Variants in EXD3 observed in about 807,000 individuals in gnomAD.
EXD3 encodes exonuclease 3'-5' domain containing 3.
A neutral mutation model predicts 98.0 loss-of-function variants in EXD3; 92 were observed. The ratio of observed to expected loss-of-function variants is 0.94; its 90% confidence interval spans 0.79 to 1.12. The LOEUF (loss-of-function observed/expected upper bound fraction) is 1.12, where lower values mean the gene tolerates loss of function less well. EXD3 is among the 50% of genes most tolerant of loss of function. The pLI, the probability that EXD3 is intolerant of heterozygous loss-of-function variation, is 0.00. For missense variants in EXD3, 1,222 were observed against 1,191.6 expected, an observed-to-expected ratio of 1.03 and a Z score of -0.38; for synonymous variants, 569 against 526.0, an observed-to-expected ratio of 1.08 and a Z score of -1.12.
At position 137,331,858 on chromosome 9, in the gene EXD3, G is replaced by A. The variant is rs146365960; in HGVS notation, c.1999-7715C>T. Among the ~76,000 whole-genome samples, 291 of 152,270 alleles carry A rather than the reference G, an allele frequency of 1.9e-3. 2 individuals carry two copies. Among genetic ancestry groups the A allele is most frequent in the Non-Finnish European group, 3.2e-3 (221 of 68,032 alleles). ...TTGAACCCGGGAGGTGGATGTTGCA[G>A]TGAGCCGAGAGGGCGCCACTGCACT... On this transcript the variant is annotated intron_variant, in intron 17 of 21. Coordinates refer to ENST00000340951, the MANE Select transcript of EXD3 (RefSeq NM_017820.5).
Position 137,382,037 on chromosome 9 carries a change from C to T in EXD3, c.120+1276G>A, listed in dbSNP as rs867100185. ...AGGACGCGGGGAGGAGGTGAGGGCG[C>T]GGGGAGGAGGTGAGGGCGCGCGGAG... On this transcript the variant is annotated intron_variant, in intron 3 of 21. Coordinates refer to ENST00000340951, the MANE Select transcript of EXD3 (RefSeq NM_017820.5). 8.7e-5 allele frequency among the ~76,000 whole-genome samples: 12 copies of T among 138,042 alleles called. No homozygotes were observed. In the South Asian group the frequency reaches 1.9e-3, roughly 22 times the overall value. The allele number at this position is 138,042 out of a possible 152,430, so 90.6% of individuals were successfully genotyped here.
chr9:137,353,961 G>A (rs1244517471), intron 10 of EXD3: 10 of 1,073,010 alleles, frequency 9.3e-6, no homozygotes, highest in Admixed American at 5.3e-5. Flanking sequence ...CCGGCTCTGC[G>A]CTGGCACCGG....
intron 5 of EXD3, among the ~76,000 whole-genome samples, chr9:137,370,646 G>A (rs1230389575): frequency 2.0e-5 from 3 of 150,652 alleles, no homozygotes; most frequent in Admixed American, 1.3e-4. Flanking sequence ...CTGTGGTATC[G>A]ACCATCGGGA....
intron 1 of EXD3, among the ~76,000 whole-genome samples, chr9:137,397,440 C>T (rs1442367694): frequency 1.3e-5 from 2 of 152,174 alleles, no homozygotes; most frequent in African/African-American, 2.4e-5. Flanking sequence ...CAATGCTCTT[C>T]AGAGGATGAT....
chr9:137,344,516 T>TGATA (rs1458257962), intron 17 of EXD3, among the ~76,000 whole-genome samples: 7 of 152,222 alleles, frequency 4.6e-5, no homozygotes, highest in African/African-American at 1.7e-4. Flanking sequence ...GGCCAAGGGC[T>TGATA]GATACCCCTG....
At chr9:137,372,821 A>T in intron 5 of EXD3, 84 bp downstream of exon 5, 1 of 1,417,740 alleles carries the variant, frequency 7.1e-7, no homozygotes, top group Non-Finnish European at 9.6e-7. Flanking sequence ...GCCCCCACAC[A>T]GAGGCGGCCC....
At chr9:137,350,731 C>T (rs1412425301) in intron 14 of EXD3, among the ~76,000 whole-genome samples, 3 of 151,400 alleles carry the variant, frequency 2.0e-5, no homozygotes, top group African/African-American at 7.3e-5. Context: ...GATAGAGCCC[C>T]AGGGGCTCCC....
chr9:137,352,074 G>C lies in EXD3; in HGVS notation c.1165C>G (p.Leu389Val). Reference sequence around the variant, plus strand: ...GCGGCCGAGGGAACCACCTGCAGGAGTGCACCCTCGTGTCTGGTCAGGTCT... The same window carrying C: ...GCGGCCGAGGGAACCACCTGCAGGACTGCACCCTCGTGTCTGGTCAGGTCT... Reference protein sequence around the residue: ...WEDLTRHEGALLQCHQVVGVD... With the variant: ...WEDLTRHEGAVLQCHQVVGVD... The change falls in exon 12 of 22, where the codon CTC (leucine) becomes GTC (valine). Residue 389 changes from leucine to valine, a missense_variant. By Grantham distance (32) the Leu-to-Val change is conservative (BLOSUM62 1). Coordinates refer to ENST00000340951, the MANE Select transcript of EXD3 (RefSeq NM_017820.5). 1 of 1,611,658 alleles carries C rather than the reference G, an allele frequency of 6.2e-7. No homozygotes were observed. The highest frequency in any genetic ancestry group is 8.5e-7 in the Non-Finnish European group (1 of 1,179,408).
At chr9:137,355,382 C>T (rs576936246) in intron 8 of EXD3, among the ~76,000 whole-genome samples, 27 of 148,488 alleles carry the variant, frequency 1.8e-4, no homozygotes, top group Admixed American at 6.1e-4. Flanking sequence ...AGCGCAGCCA[C>T]GGGGAGCCGG....
chr9:137,366,635 G>C lies in EXD3; in HGVS notation c.517-3C>G, dbSNP rs532081448. ...TGGAGGAGCAGTGGGATGCTCATCTGCAGGGGGACACACGGTCAGGCCACA... is the reference window on the plus strand; with the variant it reads ...TGGAGGAGCAGTGGGATGCTCATCTCCAGGGGGACACACGGTCAGGCCACA... On this transcript the variant is annotated splice_polypyrimidine_tract_variant and splice_region_variant and intron_variant, in intron 6 of 21. Coordinates refer to ENST00000340951, the MANE Select transcript of EXD3 (RefSeq NM_017820.5). 58 of 1,558,204 alleles carry C rather than the reference G, an allele frequency of 3.7e-5. 2 individuals carry two copies. The South Asian group carries it at 6.7e-4, about 18-fold the overall frequency.
chr9:137,321,038 G>T (rs1172707341), intron 19 of EXD3, among the ~76,000 whole-genome samples: 1 of 152,232 alleles, frequency 6.6e-6, no homozygotes, highest in East Asian at 1.9e-4. Flanking sequence ...CCGCAGGGCA[G>T]TGGGGTCAGA....
intron 6 of EXD3, among the ~76,000 whole-genome samples, chr9:137,367,354 T>A (rs1370615209): frequency 1.3e-5 from 2 of 151,994 alleles, no homozygotes; most frequent in Non-Finnish European, 2.9e-5. Flanking sequence ...CCTCCCTCTT[T>A]AGGGAGACCA....
chr9:137,332,632 A>C (rs1403213401), intron 17 of EXD3, among the ~76,000 whole-genome samples: 1 of 152,056 alleles, frequency 6.6e-6, no homozygotes, highest in Admixed American at 6.6e-5. Flanking sequence ...TCACAAGGTC[A>C]GGAGATCGAG....
rs369448064 is a variant in EXD3, at chr9:137,354,774, C to T, written c.758-1G>A. 1 of 1,608,956 alleles carries T rather than the reference C, an allele frequency of 6.2e-7. No homozygotes were observed. Among genetic ancestry groups the T allele is most frequent in the Non-Finnish European group, 8.5e-7 (1 of 1,179,282 alleles). ...TGAATGGCCGCGTTGGGACACAGCG[C>T]TGAAAGGAAAGGCCAGCTCAGCACT... On this transcript the variant is annotated splice_acceptor_variant, in intron 8 of 21. Transcript: ENST00000340951. LOFTEE classifies it high-confidence loss of function.
Position 137,393,987 on chromosome 9 carries a change from G to A in EXD3, c.55+1316C>T, listed in dbSNP as rs753135654. Among the ~76,000 whole-genome samples, 49 of 152,150 alleles carry A rather than the reference G, an allele frequency of 3.2e-4. No homozygotes were observed. The highest frequency in any genetic ancestry group is 5.0e-4 in the Non-Finnish European group (34 of 68,002). ...CCTCTGCCCACAAAGCCATGGCCCCGGACAGCTCCCACTGGGGCCGAGCCC... is the reference window on the plus strand; with the variant it reads ...CCTCTGCCCACAAAGCCATGGCCCCAGACAGCTCCCACTGGGGCCGAGCCC... On this transcript the variant is annotated intron_variant, in intron 2 of 21. Transcript: ENST00000340951. The surrounding 1 kb of genome is among the most constrained non-coding windows in gnomAD (Gnocchi z 4.6).
chr9:137,317,781 C>CTA lies in EXD3; in HGVS notation c.2184+5942_2184+5943dup, dbSNP rs1031082627. On this transcript the variant is annotated intron_variant, in intron 19 of 21. Coordinates refer to ENST00000340951, the MANE Select transcript of EXD3 (RefSeq NM_017820.5). ...CTTTGTCCCCAGCCTGGGTGTCGTG[C>CTA]TAGGCCCACCCGCTGCTGAAACTTG... Among the ~76,000 whole-genome samples, 97 of 152,276 alleles carry CTA rather than the reference C, an allele frequency of 6.4e-4. 1 individual carries two copies. Among genetic ancestry groups the CTA allele is most frequent in the African/African-American group, 2.3e-3 (95 of 41,558 alleles).
chr9:137,386,698 C>A (rs1056307146), intron 2 of EXD3, among the ~76,000 whole-genome samples: 2 of 152,170 alleles, frequency 1.3e-5, no homozygotes, highest in African/African-American at 4.8e-5. Context: ...GTACCTGGAC[C>A]CTGCCCCTTG....
Position 137,349,091 on chromosome 9 carries a change from C to T in EXD3, c.1830+19G>A. 6.4e-7 allele frequency: 1 copy of T among 1,572,434 alleles called. No individual in the cohort carries two copies. The highest frequency in any genetic ancestry group is 8.6e-7 in the Non-Finnish European group (1 of 1,165,362). ...TCCCCAAGAATGCTGACAAACGGAC[C>T]CTGCGGGGCTTCACCCACCTGCCTG... On this transcript the variant is annotated intron_variant, in intron 16 of 21. Coordinates refer to ENST00000340951, the MANE Select transcript of EXD3 (RefSeq NM_017820.5). This position sits in a 1 kb window ranked among gnomAD's most constrained non-coding sequence, Gnocchi z 7.4.
chr9:137,327,384 C>A (rs1039736691), intron 17 of EXD3, among the ~76,000 whole-genome samples: 11 of 152,190 alleles, frequency 7.2e-5, no homozygotes, highest in Non-Finnish European at 7.4e-5. Context: ...CCGCCCGCGT[C>A]GGCCTCCCAA....
Sources: allele counts gnomAD v4.1 joint callset (sites outside exome capture counted in the v4.1 genomes callset), GRCh38; gene constraint gnomAD v4.1.1; non-coding constraint Gnocchi (gnomAD v3.1); transcripts MANE v1.5; gene names NCBI Gene and HGNC (gene_info 2026-07-23, HGNC 2026-07-21).